Variants in LUZP2 observed in about 807,000 individuals in gnomAD.
LUZP2 encodes leucine zipper protein 2.
A neutral mutation model predicts 51.6 loss-of-function variants in LUZP2; 52 were observed. The ratio of observed to expected loss-of-function variants is 1.01; its 90% CI spans 0.81 to 1.27. The LOEUF is 1.27. Ranked by LOEUF, LUZP2 falls within the 50% of genes most tolerant of loss-of-function variation. The probability of loss-of-function intolerance (pLI) is 0.00; values close to 1 mark genes in which losing one functional copy is unlikely to be tolerated. For synonymous variants in LUZP2, 154 were observed against 137.3 expected, an observed-to-expected ratio of 1.12 and a Z score of -0.85; for missense variants, 436 against 395.4, an observed-to-expected ratio of 1.10 and a Z score of -0.87.
At chr11:24,991,691 G>A (rs1190197425) in intron 9 of LUZP2, among the ~76,000 whole-genome samples, 4 of 151,868 alleles carry the variant, frequency 2.6e-5, no homozygotes, top group African/African-American at 4.8e-5. Flanking sequence ...CGCCAGCAGT[G>A]TAGTAGTGTT....
At chr11:24,806,215 C>A (rs1263566278) in intron 5 of LUZP2, among the ~76,000 whole-genome samples, 6 of 152,142 alleles carry the variant, frequency 3.9e-5, no homozygotes, top group Non-Finnish European at 8.8e-5. Flanking sequence ...TAGGAACATA[C>A]AGTGATGCTC....
chr11:24,762,940 C>T (rs1590472563), intron 4 of LUZP2: 1 of 947,462 alleles, frequency 1.1e-6, no homozygotes, highest in Non-Finnish European at 1.3e-6. Flanking sequence ...TTTTAAAGAA[C>T]CACATTTTTA....
intron 5 of LUZP2, among the ~76,000 whole-genome samples, 160 bp downstream of exon 5, chr11:24,763,468 G>T: frequency 6.6e-6 from 1 of 152,008 alleles, no homozygotes; most frequent in Non-Finnish European, 1.5e-5. Context: ...ATTTCAAAAA[G>T]TAGATAATCC....
chr11:24,603,162 A>G lies in LUZP2; in HGVS notation c.62+105857A>G, dbSNP rs76516259. Reference sequence around the variant, plus strand: ...TATGACAGGTAGCTTCTTTTAGGAAAAAACAAGGTCCTGAGAATTAATGTG... The same window carrying G: ...TATGACAGGTAGCTTCTTTTAGGAAGAAACAAGGTCCTGAGAATTAATGTG... On this transcript the variant is annotated intron_variant, in intron 1 of 11. Coordinates refer to ENST00000336930, the MANE Select transcript of LUZP2 (RefSeq NM_001009909.4). Among the ~76,000 whole-genome samples the G allele has an allele frequency of 1.4e-4, 22 of 151,962 alleles. No homozygotes were observed. The East Asian group carries it at 4.1e-3, about 28-fold the overall frequency.
chr11:24,671,561 TACAC>T (rs61319296), intron 1 of LUZP2, among the ~76,000 whole-genome samples: 4,514 of 147,846 alleles, frequency 0.031, 168 homozygotes, highest in African/African-American at 0.089. Flanking sequence ...CTCTCTGTCT[TACAC>T]ACACACACAC....
chr11:24,859,565 CAACTAG>C (rs777361371), intron 5 of LUZP2, among the ~76,000 whole-genome samples: 23,644 of 152,094 alleles, frequency 0.16, 1,987 homozygotes, highest in African/African-American at 0.21. Context: ...ACCAAAATGG[CAACTAG>C]AAGCATGGTG....
intron 5 of LUZP2, among the ~76,000 whole-genome samples, chr11:24,829,668 T>C (rs1049330409): frequency 6.6e-6 from 1 of 152,210 alleles, no homozygotes; most frequent in African/African-American, 2.4e-5. Flanking sequence ...GATAAACTGT[T>C]GATAAATTGC....
At chr11:24,563,223 G>A (rs1221503893) in intron 1 of LUZP2, among the ~76,000 whole-genome samples, 1 of 152,158 alleles carries the variant, frequency 6.6e-6, no homozygotes, top group African/African-American at 2.4e-5. Context: ...AGAGTAGCAA[G>A]TGAAGAATGT....
intron 1 of LUZP2, among the ~76,000 whole-genome samples, chr11:24,658,054 C>T (rs1855872596): frequency 6.6e-6 from 1 of 152,202 alleles, no homozygotes; most frequent in Admixed American, 6.5e-5. Flanking sequence ...TGACTTTCTT[C>T]ACAGAATTGG....
At chr11:24,571,366 T>C (rs1055878306) in intron 1 of LUZP2, among the ~76,000 whole-genome samples, 30 of 141,644 alleles carry the variant, frequency 2.1e-4, no homozygotes, top group African/African-American at 7.5e-4. Flanking sequence ...CTCTGGTGAA[T>C]ACATTTTACC....
At chr11:25,030,939 T>TGTATTATATATATATA (rs1857644733) in intron 9 of LUZP2, among the ~76,000 whole-genome samples, 1 of 20,896 alleles carries the variant, frequency 4.8e-5, no homozygotes, top group African/African-American at 9.4e-5. Context: ...TAATATATAT[T>TGTATTATATATATATA]ATATATATTA....
At chr11:24,754,006 G>A (rs1859685109) in intron 4 of LUZP2, among the ~76,000 whole-genome samples, 1 of 151,762 alleles carries the variant, frequency 6.6e-6, no homozygotes, top group African/African-American at 2.4e-5. Context: ...TGATAGTGTT[G>A]TATTTAGACT....
intron 9 of LUZP2, among the ~76,000 whole-genome samples, chr11:25,007,978 A>G (rs1856879711): frequency 6.6e-6 from 1 of 152,230 alleles, no homozygotes; most frequent in Non-Finnish European, 1.5e-5. Context: ...TTGATGCTGT[A>G]TAATTAACAA....
chr11:24,910,644 C>T (rs1387441673), intron 6 of LUZP2, among the ~76,000 whole-genome samples: 1 of 152,194 alleles, frequency 6.6e-6, no homozygotes, highest in Non-Finnish European at 1.5e-5. Context: ...TGGGAACCTC[C>T]ACCTACATTT....
At chr11:24,940,240 G>A (rs951083492) in intron 7 of LUZP2, among the ~76,000 whole-genome samples, 6 of 152,042 alleles carry the variant, frequency 3.9e-5, no homozygotes, top group African/African-American at 1.4e-4. Flanking sequence ...GCTTAATGGA[G>A]TGTAAAACTT....
At chr11:25,018,563 T>C (rs1005231357) in intron 9 of LUZP2, among the ~76,000 whole-genome samples, 1 of 151,942 alleles carries the variant, frequency 6.6e-6, no homozygotes, top group African/African-American at 2.4e-5. Context: ...TTTTAGTCTT[T>C]GAGCTATAAT....
At chr11:24,722,329 G>A (rs1041347662) in intron 1 of LUZP2, among the ~76,000 whole-genome samples, 1 of 152,172 alleles carries the variant, frequency 6.6e-6, no homozygotes. Context: ...AGTTCCACTG[G>A]ATGGGAAGGC....
intron 5 of LUZP2, among the ~76,000 whole-genome samples, chr11:24,863,552 G>A (rs1043488027): frequency 7.9e-5 from 12 of 151,800 alleles, no homozygotes; most frequent in Middle Eastern, 3.2e-3. Flanking sequence ...TGGGGGGAAG[G>A]GGGAATAGGA....
At position 24,814,259 on chromosome 11, in the gene LUZP2, C is replaced by G. The variant is rs183147721; in HGVS notation, c.396+50951C>G. ...TTATGTGTCTGCCTTGTTCACTGGA[C>G]TGTGAAAAATTATTTCTTCATCCTC... On this transcript the variant is annotated intron_variant, in intron 5 of 11. Coordinates refer to ENST00000336930, the MANE Select transcript of LUZP2 (RefSeq NM_001009909.4). Among the ~76,000 whole-genome samples, 217 of 152,204 alleles carry G rather than the reference C, an allele frequency of 1.4e-3. 2 individuals are homozygous for G. The highest frequency in any genetic ancestry group is 3.9e-3 in the South Asian group (19 of 4,818).
Sources: gnomAD v4.1 joint callset for allele counts (sites outside exome capture counted in the v4.1 genomes callset) on GRCh38, gnomAD v4.1.1 for gene constraint, MANE v1.5 for transcripts, NCBI Gene and HGNC (gene_info 2026-07-23, HGNC 2026-07-21) for gene names.